The following OPALIN variants were observed in gnomAD, a reference collection of about 807,000 sequenced individuals.
OPALIN encodes the protein transmembrane protein 10.
OPALIN carries 15 observed loss-of-function variants against 17.8 expected under a neutral mutation model. That is an observed-to-expected ratio of 0.84 (90% CI 0.56 to 1.29). OPALIN has a LOEUF of 1.29. OPALIN is among the 50% of genes most tolerant of loss of function. OPALIN has a pLI of 0.00. For synonymous variants in OPALIN, 62 were observed against 63.8 expected, an observed-to-expected ratio of 0.97 and a Z score of 0.14; for missense variants, 170 against 176.0, an observed-to-expected ratio of 0.97 and a Z score of 0.19.
At chr10:96,352,200 C>A (rs1845613453) in intron 2 of OPALIN, among the ~76,000 whole-genome samples, 1 of 152,096 alleles carries the variant, frequency 6.6e-6, no homozygotes, top group Non-Finnish European at 1.5e-5. Flanking sequence ...GAATGAGGAG[C>A]AGAACTATGA....
In OPALIN at chr10:96,349,815, G is replaced by A. The variant is rs1218349825; in HGVS notation, c.84C>T (p.Pro28=). 2.5e-6 allele frequency: 4 copies of A among 1,613,570 alleles called. No individual in the cohort carries two copies. The highest frequency in any genetic ancestry group is 3.4e-6 in the Non-Finnish European group (4 of 1,179,756). The part of the protein sequence containing the change: ...VTGGKETDCG[P]SLGLAAGIPL... The stretch of plus-strand genomic sequence containing the variant: ...GTATGCCCGCCGCTAATCCAAGAGA[G>A]GGCCCACAGTCCTGGCACAGAATGA... The change falls in exon 4 of 6, where the codon CCC becomes CCT. Residue 28 remains proline (P), a synonymous_variant. Transcript: ENST00000371172.
intron 2 of OPALIN, chr10:96,353,577 G>A (rs1410271615): frequency 3.1e-5 from 24 of 765,250 alleles, no homozygotes; most frequent in East Asian, 3.0e-4. Context: ...GAAATGAGCT[G>A]TTAACCAAGA....
chr10:96,349,190 G>A (rs1275929669), intron 4 of OPALIN, among the ~76,000 whole-genome samples: 1 of 152,176 alleles, frequency 6.6e-6, no homozygotes. Flanking sequence ...TTGGATATGA[G>A]TCTAGGTGGC....
chr10:96,349,588 C>G, intron 4 of OPALIN, 119 bp downstream of exon 4: 4 of 1,153,276 alleles, frequency 3.5e-6, no homozygotes, highest in Non-Finnish European at 3.6e-6. Context: ...AAACTTCCAG[C>G]ATCTTGTCCT....
At chr10:96,355,993 C>T (rs568311076) in intron 1 of OPALIN, among the ~76,000 whole-genome samples, 2 of 152,242 alleles carry the variant, frequency 1.3e-5, no homozygotes, top group Non-Finnish European at 2.9e-5. Context: ...TCCTCCCTGT[C>T]CCTAGCCCCT....
intron 5 of OPALIN, among the ~76,000 whole-genome samples, chr10:96,347,440 A>T (rs2134011703): frequency 6.6e-6 from 1 of 151,110 alleles, no homozygotes; most frequent in East Asian, 2.0e-4. Flanking sequence ...GCAAATAATG[A>T]CAATTTTGTT....
intron 2 of OPALIN, among the ~76,000 whole-genome samples, chr10:96,354,270 T>A (rs1055647282): frequency 1.3e-5 from 2 of 152,042 alleles, no homozygotes; most frequent in African/African-American, 4.8e-5. Flanking sequence ...AACTCTAACA[T>A]CGACAATTGA....
chr10:96,352,848 G>A (rs1277554242), intron 2 of OPALIN, among the ~76,000 whole-genome samples: 2 of 152,146 alleles, frequency 1.3e-5, no homozygotes, highest in African/African-American at 2.4e-5. Flanking sequence ...GAGCAGCACG[G>A]CCTTCTGCCT....
At chr10:96,348,607 TA>T (rs1845441675) in intron 4 of OPALIN, among the ~76,000 whole-genome samples, 1 of 152,230 alleles carries the variant, frequency 6.6e-6, no homozygotes, top group Admixed American at 6.5e-5. Flanking sequence ...CATGGGTTAA[TA>T]ATTGGGTTCA....
At chr10:96,347,095 T>C (rs992806390) in intron 5 of OPALIN, among the ~76,000 whole-genome samples, 1 of 152,018 alleles carries the variant, frequency 6.6e-6, no homozygotes, top group African/African-American at 2.4e-5. Context: ...TCTTTCTTTT[T>C]TTTTTCTTTT....
At chr10:96,357,223 A>T in intron 1 of OPALIN, 1 of 932,166 alleles carries the variant, frequency 1.1e-6, no homozygotes, top group South Asian at 4.9e-5. Context: ...AGCAGCCCTA[A>T]GACAAAGCTT....
intron 1 of OPALIN, among the ~76,000 whole-genome samples, chr10:96,358,485 T>C (rs1314371497): frequency 1.3e-5 from 2 of 152,242 alleles, no homozygotes; most frequent in Non-Finnish European, 2.9e-5. Context: ...AAACTTCATT[T>C]GATTGAGTCA....
chr10:96,345,826 A>T lies in OPALIN; in HGVS notation c.*115T>A. 9.9e-7 allele frequency: 1 copy of T among 1,009,252 alleles called. No individual in the cohort carries two copies. Among genetic ancestry groups the T allele is most frequent in the South Asian group, 1.6e-5 (1 of 63,950 alleles). The allele number at this position is 1,009,252 out of a possible 1,614,324, so 62.5% of individuals were successfully genotyped here. On this transcript the variant is annotated 3_prime_UTR_variant, in exon 6 of 6. Coordinates refer to ENST00000371172, the MANE Select transcript of OPALIN (RefSeq NM_033207.5). The stretch of plus-strand genomic sequence containing the variant: ...CAGCCCCAAAGTGTTCCAGAGCTGT[A>T]AATGAAATTTGGATTGATTAAGAAG...
At position 96,353,475 on chromosome 10, in the gene OPALIN, G is replaced by A. The variant is rs1040938125; in HGVS notation, c.39+1780C>T. ...CCGCATTGTCCAGAGAGCTGCCCAG[G>A]ACTTTCAGTGCTAAAAACAGACAAC... On this transcript the variant is annotated intron_variant, in intron 2 of 5. Coordinates refer to ENST00000371172, the MANE Select transcript of OPALIN (RefSeq NM_033207.5). 7.6e-6 allele frequency: 12 copies of A among 1,575,160 alleles called. No homozygotes were observed. The South Asian group carries it at 1.2e-4, about 16-fold the overall frequency.
chr10:96,353,421 T>C (rs1425062472), intron 2 of OPALIN: 2 of 1,613,560 alleles, frequency 1.2e-6, no homozygotes, highest in East Asian at 2.2e-5. Context: ...GCAGTAGAAA[T>C]GTGACTTCCA....
chr10:96,358,999 T>G lies in OPALIN; in HGVS notation c.-103A>C. 3 of 1,387,590 alleles carry G rather than the reference T, an allele frequency of 2.2e-6. No individual in the cohort carries two copies. The highest frequency in any genetic ancestry group is 3.1e-6 in the Non-Finnish European group (3 of 974,334). 86.0% of individuals were successfully genotyped at this position (1,387,590 alleles called of 1,614,324 possible). A position where few individuals can be genotyped will look rare whatever the true frequency, so the allele number is the denominator to read the frequency against. ...TCTTTCATTTGTAGGAACAGTTAAC[T>G]GACAAAGCTGCAGAGGCAGGCTGAG... On this transcript the variant is annotated 5_prime_UTR_variant, in exon 1 of 6. Transcript: ENST00000371172.
chr10:96,343,979 C>T lies in OPALIN; in HGVS notation c.*1962G>A, dbSNP rs1251536645. 1 of 152,244 alleles carries T rather than the reference C, an allele frequency of 6.6e-6. No homozygotes were observed. The highest frequency in any genetic ancestry group is 1.5e-5 in the Non-Finnish European group (1 of 68,096). The allele number at this position is 152,244 out of a possible 1,614,324, so 9.4% of individuals were successfully genotyped here. On this transcript the variant is annotated 3_prime_UTR_variant, in exon 6 of 6. Coordinates refer to ENST00000371172, the MANE Select transcript of OPALIN (RefSeq NM_033207.5). ...GGGCAATGGCTATACATGGGGGAAC[C>T]AGGCTGCCTGGAAGCCTCCTCATGG... is the stretch of plus-strand genomic sequence containing the variant.
chr10:96,351,631 A>C (rs927651963), intron 2 of OPALIN, among the ~76,000 whole-genome samples: 11 of 152,168 alleles, frequency 7.2e-5, no homozygotes, highest in African/African-American at 2.7e-4. Flanking sequence ...AATTCAGGCA[A>C]TGTCTTCATT....
intron 1 of OPALIN, chr10:96,357,210 G>A: frequency 1.0e-6 from 1 of 970,734 alleles, no homozygotes. Flanking sequence ...GAGGACTGAT[G>A]TCAGCAGCCC....
Sources: gnomAD v4.1 joint callset for allele counts (sites outside exome capture counted in the v4.1 genomes callset) on GRCh38, gnomAD v4.1.1 for gene constraint, MANE v1.5 for transcripts, NCBI Gene and HGNC (gene_info 2026-07-23, HGNC 2026-07-21) for gene names.